Variants in TSPAN4 observed in about 807,000 individuals in gnomAD.
TSPAN4 encodes the protein tetraspanin-4.
In TSPAN4, 38 loss-of-function variants were observed where a neutral mutation model predicts 31.5. The ratio of observed to expected loss-of-function variants is 1.21; its 90% confidence interval spans 0.93 to 1.58. The LOEUF is 1.58. Ranked by LOEUF, TSPAN4 falls within the 40% of genes most tolerant of loss-of-function variation. TSPAN4 has a pLI of 0.00. For missense variants in TSPAN4, 330 were observed against 317.3 expected (o/e 1.04, Z -0.30); for synonymous variants, 186 against 144.6 (o/e 1.29, Z -2.06).
At chr11:847,140 TCTGGCTGTACAG>T (rs1349913711) in intron 1 of TSPAN4, 49 bp from the exon 2 acceptor site, 1 of 152,158 alleles carries the variant, frequency 6.6e-6, no homozygotes, top group African/African-American at 2.4e-5. Context: ...TGGGAGCATC[TCTGGCTGTACAG>T]CTGAGGGTGG....
At chr11:851,079 G>A (rs921574875) in intron 3 of TSPAN4, among the ~76,000 whole-genome samples, 2 of 152,366 alleles carry the variant, frequency 1.3e-5, no homozygotes, top group East Asian at 1.9e-4. Context: ...ATGGAGCAGA[G>A]CTGAGGTAGA....
At position 865,496 on chromosome 11, in the gene TSPAN4, C is replaced by CA. The variant is rs1848720445; in HGVS notation, c.331-17_331-16insA. On this transcript the variant is annotated splice_polypyrimidine_tract_variant and intron_variant, in intron 5 of 8. Transcript: ENST00000397397. ...GTACAGTGGGAGGGGCCCTGCTGAC[C>CA]CCCCCCGCACCCCCAGATTGACAGG... The CA allele has an allele frequency of 4.4e-6, 7 of 1,603,636 alleles. No homozygotes were observed. The highest frequency in any genetic ancestry group is 2.7e-5 in the African/African-American group (2 of 74,788).
chr11:850,168 G>A (rs1268721390), intron 2 of TSPAN4, 120 bp from the exon 3 acceptor site: 4 of 746,912 alleles, frequency 5.4e-6, no homozygotes, highest in African/African-American at 1.9e-5. Flanking sequence ...GACGCCGGGG[G>A]CTCCTTCTTC....
chr11:865,131 G>C (rs1373075674), intron 5 of TSPAN4: 1 of 206,846 alleles, frequency 4.8e-6, no homozygotes, highest in Non-Finnish European at 9.8e-6. Context: ...CCTTCTCCAG[G>C]GTGCTCTGGG....
chr11:846,093 T>G (rs759717209), intron 1 of TSPAN4, among the ~76,000 whole-genome samples: 2 of 152,006 alleles, frequency 1.3e-5, no homozygotes, highest in South Asian at 2.1e-4. Flanking sequence ...TCAGAGCCCG[T>G]GGGCCTGGGG....
chr11:862,820 C>T (rs563258169), intron 4 of TSPAN4, 79 bp downstream of exon 4: 233 of 1,411,006 alleles, frequency 1.7e-4, no homozygotes, highest in East Asian at 1.2e-3. Flanking sequence ...CCTTGGCTGC[C>T]GCAGTGACCC....
intron 4 of TSPAN4, 107 bp from the exon 5 acceptor site, chr11:864,330 T>C: frequency 1.4e-6 from 2 of 1,413,058 alleles, no homozygotes; most frequent in South Asian, 1.2e-5. Context: ...AGAGGTTTCC[T>C]GGCAGCACCA....
intron 3 of TSPAN4, among the ~76,000 whole-genome samples, chr11:861,722 C>CA (rs574501630): frequency 3.4e-5 from 5 of 148,302 alleles, no homozygotes; most frequent in African/African-American, 1.2e-4. Context: ...AAAAAAAAAA[C>CA]AAAAAAGACT....
chr11:860,222 C>T (rs1224774785), intron 3 of TSPAN4, among the ~76,000 whole-genome samples: 4 of 152,190 alleles, frequency 2.6e-5, no homozygotes, highest in Non-Finnish European at 5.9e-5. Context: ...TGTGGGGCCC[C>T]AGCAGTGGGG....
At chr11:861,907 G>A in intron 3 of TSPAN4, among the ~76,000 whole-genome samples, 1 of 152,100 alleles carries the variant, frequency 6.6e-6, no homozygotes, top group Middle Eastern at 3.2e-3. Flanking sequence ...TGAGCAACAG[G>A]GTGAGACTCC....
chr11:860,481 G>A (rs1451443247), intron 3 of TSPAN4, among the ~76,000 whole-genome samples: 2 of 152,204 alleles, frequency 1.3e-5, no homozygotes, highest in African/African-American at 2.4e-5. Context: ...ACACGAGGAG[G>A]GGGCATCTCC....
intron 3 of TSPAN4, among the ~76,000 whole-genome samples, chr11:861,072 T>G (rs1589787586): frequency 6.6e-6 from 1 of 151,964 alleles, no homozygotes; most frequent in Non-Finnish European, 1.5e-5. Flanking sequence ...GAAGGTGGGG[T>G]CCTGGCGGAC....
At chr11:865,305 G>A (rs1369062065) in intron 5 of TSPAN4, 5 of 585,946 alleles carry the variant, frequency 8.5e-6, no homozygotes, top group Admixed American at 3.1e-5. Context: ...CCCCCAGCCT[G>A]GGGAGGAAGC....
intron 3 of TSPAN4, chr11:857,263 G>T (rs1848104208): frequency 6.6e-6 from 1 of 152,256 alleles, no homozygotes; most frequent in African/African-American, 2.4e-5. Flanking sequence ...CATGGCACCA[G>T]TCACTCTGCA....
rs1326062994 is a variant in TSPAN4, at chr11:862,742, G to C, written c.255+1G>C. 5 of 1,608,462 alleles carry C rather than the reference G, an allele frequency of 3.1e-6. No individual in the cohort carries two copies. The highest frequency in any genetic ancestry group is 1.3e-5 in the African/African-American group (1 of 74,928). ...GGAGAACAAGTGCCTCCTGCTCACT[G>C]TGAGTGCCGGGGCCCAAGCGATGCT... On this transcript the variant is annotated splice_donor_variant, in intron 4 of 8. Coordinates refer to ENST00000397397, the MANE Select transcript of TSPAN4 (RefSeq NM_003271.5). LOFTEE classifies it high-confidence loss of function.
intron 1 of TSPAN4, among the ~76,000 whole-genome samples, chr11:846,796 G>A (rs2133985233): frequency 6.6e-6 from 1 of 152,298 alleles, no homozygotes; most frequent in Non-Finnish European, 1.5e-5. Flanking sequence ...CAGGGGTCCA[G>A]GACCCCAGGG....
At chr11:853,193 A>C (rs541801790) in intron 3 of TSPAN4, among the ~76,000 whole-genome samples, 3 of 152,156 alleles carry the variant, frequency 2.0e-5, no homozygotes, top group African/African-American at 4.8e-5. Context: ...CTCTGCCCCC[A>C]GCTTGCCTGG....
At chr11:843,924 G>C (rs999227564) in intron 1 of TSPAN4, among the ~76,000 whole-genome samples, 9 of 152,150 alleles carry the variant, frequency 5.9e-5, no homozygotes, top group Admixed American at 5.2e-4. Flanking sequence ...CCGGAGTGGT[G>C]CTAGCCAGAT....
chr11:866,133 G>C, intron 8 of TSPAN4, 132 bp downstream of exon 8: 1 of 931,926 alleles, frequency 1.1e-6, no homozygotes, highest in Non-Finnish European at 1.6e-6. Context: ...GCAGGAGGGC[G>C]AGTTCAGGGG....
Sources: gnomAD v4.1 joint callset for allele counts (sites outside exome capture counted in the v4.1 genomes callset) on GRCh38, gnomAD v4.1.1 for gene constraint, MANE v1.5 for transcripts, NCBI Gene and HGNC (gene_info 2026-07-23, HGNC 2026-07-21) for gene names.